The following GALNT16 variants were observed in gnomAD, a reference collection of about 807,000 sequenced individuals.
GALNT16 encodes polypeptide N-acetylgalactosaminyltransferase 16.
A neutral mutation model predicts 76.1 loss-of-function variants in GALNT16; 40 were observed. That is an observed-to-expected ratio of 0.53 (90% CI 0.41 to 0.68). The LOEUF (loss-of-function observed/expected upper bound fraction) is 0.68. GALNT16 is among the 30% of genes least tolerant of loss of function. The pLI, the probability that GALNT16 is intolerant of heterozygous loss-of-function variation, is 0.00. For synonymous variants in GALNT16, 276 were observed against 285.2 expected (o/e 0.97, Z 0.32); for missense variants, 621 against 731.9 (o/e 0.85, Z 1.75).
chr14:69,266,246 A>G (rs2044341449), intron 1 of GALNT16, among the ~76,000 whole-genome samples: 1 of 152,218 alleles, frequency 6.6e-6, no homozygotes, highest in Non-Finnish European at 1.5e-5. Flanking sequence ...CAAAAACGAT[A>G]CAGAACAAAA....
At chr14:69,264,209 T>C (rs1053062961) in intron 1 of GALNT16, among the ~76,000 whole-genome samples, 2 of 152,240 alleles carry the variant, frequency 1.3e-5, no homozygotes, top group African/African-American at 4.8e-5. Flanking sequence ...CTGTGAAAGA[T>C]TTAGGCAAGA....
At position 69,353,801 on chromosome 14, in the gene GALNT16, C is replaced by G. The variant is rs1188274791; in HGVS notation, c.*1633C>G. ...GAACCTCTGCTCTGGATTGAAGCCA[C>G]TGTCTGCCCAAGCTGCCACCCCCTA... On this transcript the variant is annotated 3_prime_UTR_variant, in exon 15 of 15. Transcript: ENST00000448469. 1 of 152,408 alleles carries G rather than the reference C, an allele frequency of 6.6e-6. No homozygotes were observed. The highest frequency in any genetic ancestry group is 1.5e-5 in the Non-Finnish European group (1 of 68,160). 9.4% of individuals were successfully genotyped at this position (152,408 alleles called of 1,614,324 possible).
the GALNT16 span, among the ~76,000 whole-genome samples, chr14:69,364,224 C>T: frequency 6.6e-6 from 1 of 152,128 alleles, no homozygotes; most frequent in African/African-American, 2.4e-5. This position sits in a 1 kb window ranked among gnomAD's most constrained non-coding sequence, Gnocchi z 4.2. Flanking sequence ...AGTTTGTTCT[C>T]GGCTTCCTCT....
chr14:69,298,213 C>A (rs999968940), intron 1 of GALNT16, among the ~76,000 whole-genome samples: 3 of 152,234 alleles, frequency 2.0e-5, no homozygotes, highest in African/African-American at 4.8e-5. Context: ...CCTGCCAATG[C>A]CAGTTCCTGA....
intron 1 of GALNT16, among the ~76,000 whole-genome samples, chr14:69,265,646 C>T (rs911906182): frequency 5.3e-5 from 8 of 152,212 alleles, no homozygotes; most frequent in Non-Finnish European, 1.2e-4. Context: ...AAGCACCTTC[C>T]CCATGAACAG....
chr14:69,352,221 G>T lies in GALNT16; in HGVS notation c.*53G>T, dbSNP rs2045647030. ...TTGCATGAGACTTCGGGACCGGAAG[G>T]GGGTTAGGGTGGGGGAGTGCAAAGT... On this transcript the variant is annotated 3_prime_UTR_variant, in exon 15 of 15. Coordinates refer to ENST00000448469, the MANE Select transcript of GALNT16 (RefSeq NM_001168368.2). The T allele has an allele frequency of 1.3e-6, 2 of 1,521,686 alleles. No individual in the cohort carries two copies. Among genetic ancestry groups the T allele is most frequent in the Non-Finnish European group, 1.8e-6 (2 of 1,126,748 alleles). The allele number at this position is 1,521,686 out of a possible 1,614,324, so 94.3% of individuals were successfully genotyped here. A position where few individuals can be genotyped will look rare whatever the true frequency, so the allele number is the denominator to read the frequency against.
chr14:69,378,135 C>A, the GALNT16 span, among the ~76,000 whole-genome samples: 1 of 152,150 alleles, frequency 6.6e-6, no homozygotes, highest in African/African-American at 2.4e-5. Context: ...AGACACATAA[C>A]CTGTTTGAGC....
rs2140209638 is a variant in GALNT16 at position 69,353,903 on chromosome 14, T to A, written c.*1735T>A. On this transcript the variant is annotated 3_prime_UTR_variant, in exon 15 of 15. Coordinates refer to ENST00000448469, the MANE Select transcript of GALNT16 (RefSeq NM_001168368.2). ...CCCTTGGGGTCAGCAGCCAAGTGTC[T>A]GTGGTCCGCAGCACCTGCTCTGGAG... 6.6e-6 allele frequency: 1 copy of A among 152,434 alleles called. No individual in the cohort carries two copies. The highest frequency in any genetic ancestry group is 6.5e-5 in the Admixed American group (1 of 15,314). The allele number at this position is 152,434 out of a possible 1,614,324, so 9.4% of individuals were successfully genotyped here.
chr14:69,299,099 G>A (rs774070297), intron 1 of GALNT16, among the ~76,000 whole-genome samples: 1 of 152,160 alleles, frequency 6.6e-6, no homozygotes, highest in Non-Finnish European at 1.5e-5. Context: ...CCATATCTAG[G>A]GCCCGATTTC....
At chr14:69,295,267 T>G (rs1018190232) in intron 1 of GALNT16, among the ~76,000 whole-genome samples, 4 of 150,634 alleles carry the variant, frequency 2.7e-5, no homozygotes, top group African/African-American at 9.8e-5. Flanking sequence ...TACAAAAGAT[T>G]AGCTGGGTGT....
the GALNT16 span, among the ~76,000 whole-genome samples, chr14:69,373,454 C>T: frequency 6.6e-6 from 1 of 152,204 alleles, no homozygotes; most frequent in African/African-American, 2.4e-5. Context: ...AAAATTACCT[C>T]TGGCACAGAA....
chr14:69,322,147 T>C (rs1024772598), intron 2 of GALNT16, among the ~76,000 whole-genome samples: 1 of 152,230 alleles, frequency 6.6e-6, no homozygotes, highest in African/African-American at 2.4e-5. Context: ...ACGCCAGCAC[T>C]GTCAGCCTCC....
At chr14:69,328,887 G>A (rs8005103) in intron 6 of GALNT16, among the ~76,000 whole-genome samples, 19 of 152,118 alleles carry the variant, frequency 1.2e-4, no homozygotes, top group Non-Finnish European at 1.9e-4. Context: ...GCTTTTGTTC[G>A]GGCTGGGAAG....
the GALNT16 span, among the ~76,000 whole-genome samples, chr14:69,369,592 A>C: frequency 2.4e-3 from 368 of 152,186 alleles, 3 homozygotes; most frequent in African/African-American, 8.6e-3. Flanking sequence ...CTTTTCTTCA[A>C]TAGGAACATC....
intron 1 of GALNT16, among the ~76,000 whole-genome samples, chr14:69,264,788 TC>T: frequency 1.3e-5 from 2 of 150,314 alleles, no homozygotes; most frequent in African/African-American, 4.9e-5. Flanking sequence ...TTCTTTCTTT[TC>T]TTTTTTTATT....
intron 14 of GALNT16, 185 bp downstream of exon 14, chr14:69,348,187 C>T (rs1382771762): frequency 1.6e-6 from 1 of 616,228 alleles, no homozygotes; most frequent in Admixed American, 2.9e-5. Context: ...GGAAATACTT[C>T]TTTGGGTAAT....
intron 6 of GALNT16, among the ~76,000 whole-genome samples, chr14:69,331,263 T>C (rs1422456628): frequency 2.6e-5 from 4 of 152,050 alleles, no homozygotes; most frequent in African/African-American, 9.7e-5. Context: ...GGGAGCCAAA[T>C]AGGAACATCC....
intron 9 of GALNT16, among the ~76,000 whole-genome samples, chr14:69,337,828 C>T (rs749227224): frequency 1.3e-5 from 2 of 152,102 alleles, no homozygotes; most frequent in Non-Finnish European, 2.9e-5. Context: ...AGCTATGCCA[C>T]GTGAGAGCCC....
At chr14:69,382,789 C>CAAAAAAAAAAAAAAAAAAAAAAAAAAA in the GALNT16 span, among the ~76,000 whole-genome samples, 1 of 103,134 alleles carries the variant, frequency 9.7e-6, no homozygotes, top group African/African-American at 3.7e-5. Context: ...ACTCTATCTC[C>CAAAAAAAAAAAAAAAAAAAAAAAAAAA]AAAAGAAAAA....
Sources: gnomAD v4.1 joint callset for allele counts (sites outside exome capture counted in the v4.1 genomes callset) on GRCh38, gnomAD v4.1.1 for gene constraint, Gnocchi (gnomAD v3.1) non-coding constraint, MANE v1.5 for transcripts, NCBI Gene and HGNC (gene_info 2026-07-23, HGNC 2026-07-21) for gene names.